The following METAP1 variants were observed in gnomAD, a reference collection of about 807,000 sequenced individuals.
METAP1 encodes methionyl aminopeptidase 1.
A neutral mutation model predicts 53.8 loss-of-function variants in METAP1; 28 were observed. The observed-to-expected ratio is 0.52, with a 90% CI of 0.39 to 0.71. The LOEUF (loss-of-function observed/expected upper bound fraction) is 0.71, where lower values mean the gene tolerates loss of function less well. Ranked by LOEUF, METAP1 falls within the 30% of genes least tolerant of loss-of-function variation. The pLI is 0.00. For missense variants in METAP1, 389 were observed against 479.8 expected (o/e 0.81, Z 1.77); for synonymous variants, 181 against 165.7 (o/e 1.09, Z -0.71).
At chr4:99,001,057 C>T (rs1722900363) in intron 1 of METAP1, among the ~76,000 whole-genome samples, 1 of 152,118 alleles carries the variant, frequency 6.6e-6, no homozygotes, top group South Asian at 2.1e-4. Flanking sequence ...AAGGAATTGC[C>T]GTTATAACAT....
intron 1 of METAP1, among the ~76,000 whole-genome samples, chr4:99,024,488 A>T (rs1354392992): frequency 6.6e-6 from 1 of 152,060 alleles, no homozygotes; most frequent in Non-Finnish European, 1.5e-5. Flanking sequence ...TGGGTCGGAG[A>T]TGAAATCATA....
At chr4:99,043,878 A>G (rs767032440) in intron 7 of METAP1, among the ~76,000 whole-genome samples, 3 of 152,176 alleles carry the variant, frequency 2.0e-5, no homozygotes, top group Non-Finnish European at 4.4e-5. Context: ...GAGTAGAGGA[A>G]GTAGTTTAAA....
intron 10 of METAP1, among the ~76,000 whole-genome samples, chr4:99,060,676 T>C (rs1394318169): frequency 6.6e-6 from 1 of 152,216 alleles, no homozygotes; most frequent in Admixed American, 6.5e-5. Flanking sequence ...CATATGCTTT[T>C]TTATGACTGG....
At position 99,045,269 on chromosome 4, in the gene METAP1, T is replaced by C. The variant is rs369345486; in HGVS notation, c.746T>C (p.Val249Ala). Residue 249 changes from valine (V) to alanine (A), a missense_variant, in exon 8 of 11, where the codon GTT becomes GCT. Coordinates refer to ENST00000296411, the MANE Select transcript of METAP1 (RefSeq NM_015143.3). ...GTGGATGATGGAGCACGGAAACTTGTTCAGACCACATATGAGTGCCTGATG... is the reference window on the plus strand; with the variant it reads ...GTGGATGATGGAGCACGGAAACTTGCTCAGACCACATATGAGTGCCTGATG... ...GEVDDGARKLVQTTYECLMQA... is the reference protein window; with the variant it reads ...GEVDDGARKLAQTTYECLMQA... 1 of 1,613,742 alleles carries C rather than the reference T, an allele frequency of 6.2e-7. No individual in the cohort carries two copies. Among genetic ancestry groups the C allele is most frequent in the Non-Finnish European group, 8.5e-7 (1 of 1,179,818 alleles).
At chr4:99,057,655 C>A in intron 9 of METAP1, 98 bp from the exon 10 acceptor site, 1 of 838,602 alleles carries the variant, frequency 1.2e-6, no homozygotes. Flanking sequence ...ATTTAACAAT[C>A]ACTGATGGGA....
In METAP1 at chr4:99,015,964, G is replaced by T. The variant is rs35525191; in HGVS notation, c.115-12903G>T. 0.02 allele frequency among the ~76,000 whole-genome samples: 2,995 copies of T among 152,286 alleles called. 622 individuals are homozygous for T. The East Asian group carries it at 0.48, about 25-fold the overall frequency. ...GTGTCGACGCTTTCTTGACTCGAGT[G>T]TGATGGGTCCACCCCTTCTCGGCAG... is the stretch of plus-strand genomic sequence containing the variant. On this transcript the variant is annotated intron_variant, in intron 1 of 10. Coordinates refer to ENST00000296411, the MANE Select transcript of METAP1 (RefSeq NM_015143.3).
chr4:98,995,765 G>T lies in METAP1; in HGVS notation c.12G>T (p.Val4=), dbSNP rs774539688. 1.9e-6 allele frequency: 3 copies of T among 1,544,622 alleles called. No individual in the cohort carries two copies. ...AGCGGGCAGGCAGCATGGCGGCCGT[G>T]GAGACGCGGGTGTGCGAGACAGACG... is the stretch of plus-strand genomic sequence containing the variant. The part of the protein sequence containing the change: MAA[V]ETRVCETDGC... Residue 4 remains valine, a synonymous_variant, in exon 1 of 11, where the codon GTG becomes GTT. Transcript: ENST00000296411.
At chr4:99,020,246 G>A (rs982113887) in intron 1 of METAP1, among the ~76,000 whole-genome samples, 6 of 152,148 alleles carry the variant, frequency 3.9e-5, no homozygotes, top group African/African-American at 1.4e-4. Flanking sequence ...CTCTCTCTGG[G>A]TCATCTAGCA....
At chr4:99,060,350 T>C (rs1727452844) in intron 10 of METAP1, among the ~76,000 whole-genome samples, 1 of 147,354 alleles carries the variant, frequency 6.8e-6, no homozygotes, top group South Asian at 2.2e-4. Context: ...GTGGAATCAT[T>C]AAGCACATGC....
chr4:99,015,109 C>T (rs780429165), intron 1 of METAP1, among the ~76,000 whole-genome samples: 1 of 152,168 alleles, frequency 6.6e-6, no homozygotes, highest in African/African-American at 2.4e-5. Context: ...ACAATCTGGG[C>T]CTCTGGCTTA....
chr4:99,045,352 T>C (rs1413589030), intron 8 of METAP1, 42 bp downstream of exon 8: 1 of 1,606,386 alleles, frequency 6.2e-7, no homozygotes, highest in Non-Finnish European at 8.5e-7. Flanking sequence ...TCCTGTGTGT[T>C]GATGGGCCAA....
chr4:99,020,309 G>A lies in METAP1; in HGVS notation c.115-8558G>A, dbSNP rs932093400. ...GGACTTCAGAGGTGGTTAAAGGGGC[G>A]TTCATGAATCCAGTTGTACCCCTAC... On this transcript the variant is annotated intron_variant, in intron 1 of 10. Transcript: ENST00000296411. Among the ~76,000 whole-genome samples the A allele has an allele frequency of 4.6e-5, 7 of 152,138 alleles. No individual in the cohort carries two copies. The South Asian group carries it at 8.3e-4, about 18-fold the overall frequency.
chr4:99,027,321 AGGGGAAAAGGAGAT>A lies in METAP1; in HGVS notation c.115-1538_115-1525del, dbSNP rs375422480. On this transcript the variant is annotated intron_variant, in intron 1 of 10. Transcript: ENST00000296411. The stretch of plus-strand genomic sequence containing the variant: ...ACAGATGCTTATTACCCTACTTCTT[AGGGGAAAAGGAGAT>A]GGGGAAATGTGGATGTTTTTATGGG... 3.5e-3 allele frequency among the ~76,000 whole-genome samples: 538 copies of A among 152,268 alleles called. 1 individual carries two copies. Among genetic ancestry groups the A allele is most frequent in the African/African-American group, 0.012 (515 of 41,552 alleles).
intron 1 of METAP1, among the ~76,000 whole-genome samples, chr4:99,009,780 C>A (rs1723379992): frequency 6.6e-6 from 1 of 152,120 alleles, no homozygotes; most frequent in Non-Finnish European, 1.5e-5. Flanking sequence ...AACCCATTAC[C>A]AGGTATGTTA....
intron 1 of METAP1, among the ~76,000 whole-genome samples, chr4:99,015,061 A>C (rs897730271): frequency 6.6e-6 from 1 of 152,136 alleles, no homozygotes; most frequent in Admixed American, 6.5e-5. Context: ...ACACACTCCA[A>C]ATCCGTCGCA....
chr4:99,028,583 A>G (rs1724748888), intron 1 of METAP1, among the ~76,000 whole-genome samples: 1 of 152,198 alleles, frequency 6.6e-6, no homozygotes, highest in African/African-American at 2.4e-5. Flanking sequence ...CTTTTGAAAT[A>G]CTTCGTAATA....
intron 2 of METAP1, among the ~76,000 whole-genome samples, chr4:99,029,327 A>G (rs556227119): frequency 4.6e-5 from 7 of 152,122 alleles, no homozygotes; most frequent in Admixed American, 6.6e-5. Context: ...TCTACTCAAA[A>G]CTATATTACT....
In METAP1 at chr4:99,062,332, C is replaced by T. The variant is rs114260610; in HGVS notation, c.*1015C>T. The T allele has an allele frequency of 1.6e-3, 242 of 152,462 alleles. 1 individual carries two copies. Among genetic ancestry groups the T allele is most frequent in the African/African-American group, 5.7e-3 (238 of 41,564 alleles). The allele number at this position is 152,462 out of a possible 1,614,324, so 9.4% of individuals were successfully genotyped here. A position where few individuals can be genotyped will look rare whatever the true frequency, so the allele number is the denominator to read the frequency against. On this transcript the variant is annotated 3_prime_UTR_variant, in exon 11 of 11. Coordinates refer to ENST00000296411, the MANE Select transcript of METAP1 (RefSeq NM_015143.3). ...AGTGATGAGAAAGGAATTTTGTGTA[C>T]TGTAACCTTGCAGTAGAGATGCAGC... is the stretch of plus-strand genomic sequence containing the variant.
At chr4:99,001,781 A>G (rs1722939233) in intron 1 of METAP1, among the ~76,000 whole-genome samples, 1 of 152,224 alleles carries the variant, frequency 6.6e-6, no homozygotes, top group South Asian at 2.1e-4. Flanking sequence ...TGGTACATGA[A>G]CCCAGAATTG....
Sources: allele counts gnomAD v4.1 joint callset (sites outside exome capture counted in the v4.1 genomes callset), GRCh38; gene constraint gnomAD v4.1.1; transcripts MANE v1.5; gene names NCBI Gene and HGNC (gene_info 2026-07-23, HGNC 2026-07-21).